The following OLA1 variants were observed in gnomAD, a reference collection of about 807,000 sequenced individuals.
OLA1 encodes the protein obg-like ATPase 1.
A neutral mutation model predicts 48.4 loss-of-function variants in OLA1; 14 were observed. The observed-to-expected ratio is 0.29, with a 90% CI of 0.19 to 0.45. The LOEUF (loss-of-function observed/expected upper bound fraction) is 0.45. Among genes scored for constraint, OLA1 ranks in the 20% least tolerant of loss-of-function variants. The pLI, the probability that OLA1 is intolerant of heterozygous loss-of-function variation, is 1.00. For synonymous variants in OLA1, 127 were observed against 150.4 expected, an observed-to-expected ratio of 0.84 and a Z score of 1.14; for missense variants, 325 against 467.1, an observed-to-expected ratio of 0.70 and a Z score of 2.80.
Position 174,141,985 on chromosome 2 carries a change from T to C in OLA1, c.389A>G (p.Asp130Gly). ...ACTTCCTTCAACGTGCGTGATATCA[T>C]CATCTTCAAAAGCACCTAAAATGAA... is the stretch of plus-strand genomic sequence containing the variant. ...IFHLTRAFEDDDITHVEGSVD... is the reference protein window; with the variant it reads ...IFHLTRAFEDGDITHVEGSVD... Residue 130 changes from aspartate to glycine, a missense_variant, in exon 5 of 11, where the codon GAT (aspartate) becomes GGT (glycine). Transcript: ENST00000284719. 1 of 1,613,346 alleles carries C rather than the reference T, an allele frequency of 6.2e-7. No individual in the cohort carries two copies. Among genetic ancestry groups the C allele is most frequent in the Non-Finnish European group, 8.5e-7 (1 of 1,179,724 alleles).
chr2:174,115,792 C>T (rs1685767654), intron 7 of OLA1, among the ~76,000 whole-genome samples: 1 of 152,208 alleles, frequency 6.6e-6, no homozygotes, highest in East Asian at 1.9e-4. Flanking sequence ...AGGTCTTCCC[C>T]AGCCGCCCTA....
chr2:174,226,468 T>G (rs889521054), intron 3 of OLA1, among the ~76,000 whole-genome samples: 2 of 152,098 alleles, frequency 1.3e-5, no homozygotes, highest in Non-Finnish European at 2.9e-5. Context: ...ACCAAAAACA[T>G]TTATTAATGT....
intron 4 of OLA1, among the ~76,000 whole-genome samples, chr2:174,159,336 A>G (rs1023036228): frequency 1.3e-5 from 2 of 152,198 alleles, no homozygotes; most frequent in African/African-American, 4.8e-5. Context: ...TGTAGGATAA[A>G]TAAGTGACTA....
intron 3 of OLA1, among the ~76,000 whole-genome samples, chr2:174,227,407 C>A (rs917644263): frequency 6.6e-6 from 1 of 152,016 alleles, no homozygotes; most frequent in African/African-American, 2.4e-5. Flanking sequence ...TAGTAAACTA[C>A]CCTGATTTTG....
intron 4 of OLA1, among the ~76,000 whole-genome samples, chr2:174,150,299 G>T (rs1392222639): frequency 6.6e-6 from 1 of 152,160 alleles, no homozygotes; most frequent in African/African-American, 2.4e-5. Flanking sequence ...ACCATATGAT[G>T]GCCTGTGCTG....
At chr2:174,135,225 G>T (rs570454901) in intron 5 of OLA1, among the ~76,000 whole-genome samples, 1 of 149,330 alleles carries the variant, frequency 6.7e-6, no homozygotes, top group Non-Finnish European at 1.5e-5. Flanking sequence ...TCTGGTAAAT[G>T]ACCTCATGTA....
chr2:174,146,140 T>C (rs1437380672), intron 4 of OLA1, among the ~76,000 whole-genome samples: 8 of 114,442 alleles, frequency 7.0e-5, no homozygotes, highest in Non-Finnish European at 1.2e-4. Context: ...AGGTGAACCA[T>C]GGCAGGGGAT....
intron 2 of OLA1, among the ~76,000 whole-genome samples, chr2:174,239,899 A>G (rs912897755): frequency 6.6e-6 from 1 of 151,992 alleles, no homozygotes; most frequent in Non-Finnish European, 1.5e-5. Flanking sequence ...ATCTCAAAAA[A>G]AAAACAAAAA....
intron 4 of OLA1, among the ~76,000 whole-genome samples, chr2:174,175,145 A>G (rs1254970586): frequency 6.6e-6 from 1 of 152,080 alleles, no homozygotes; most frequent in Non-Finnish European, 1.5e-5. Context: ...AGCTAAAGTT[A>G]TTTAAAATTA....
intron 1 of OLA1, chr2:174,247,591 A>C: frequency 6.5e-7 from 1 of 1,539,646 alleles, no homozygotes; most frequent in Non-Finnish European, 8.8e-7. Context: ...CCTTCACACC[A>C]AACCATTCCT....
At chr2:174,218,922 G>C (rs943681954) in intron 4 of OLA1, among the ~76,000 whole-genome samples, 4 of 151,822 alleles carry the variant, frequency 2.6e-5, no homozygotes, top group African/African-American at 9.7e-5. Context: ...TTGAGCTCAA[G>C]TGATTCTCCT....
intron 4 of OLA1, among the ~76,000 whole-genome samples, chr2:174,211,923 T>A (rs1278101967): frequency 1.3e-5 from 2 of 152,220 alleles, no homozygotes; most frequent in African/African-American, 4.8e-5. Context: ...AATGTGGCTA[T>A]CAGAAAAATT....
intron 4 of OLA1, among the ~76,000 whole-genome samples, chr2:174,216,581 C>T (rs1294503356): frequency 1.3e-5 from 2 of 152,132 alleles, no homozygotes; most frequent in Admixed American, 6.5e-5. Context: ...AAGACAGGGT[C>T]TCACTCTGTC....
chr2:174,168,042 T>C lies in OLA1; in HGVS notation c.374-26042A>G, dbSNP rs147852554. 3.6e-3 allele frequency among the ~76,000 whole-genome samples: 542 copies of C among 152,184 alleles called. 2 individuals carry two copies. The highest frequency in any genetic ancestry group is 0.012 in the African/African-American group (516 of 41,528). On this transcript the variant is annotated intron_variant, in intron 4 of 10. Coordinates refer to ENST00000284719, the MANE Select transcript of OLA1 (RefSeq NM_013341.5). ...ATCAGAAAGACTGCTTAGGAGTACA[T>C]GCTCAAAGAAGGGGAATTATATGAA...
chr2:174,163,647 G>A lies in OLA1; in HGVS notation c.374-21647C>T, dbSNP rs532221807. Among the ~76,000 whole-genome samples the A allele has an allele frequency of 2.1e-3, 303 of 147,460 alleles. 2 individuals carry two copies. The highest frequency in any genetic ancestry group is 7.1e-3 in the African/African-American group (283 of 39,934). On this transcript the variant is annotated intron_variant, in intron 4 of 10. Transcript: ENST00000284719. ...AGAGGTTGCAATGAGCTGAGATCGCGCCATTGCACTCCAGCCTGGGGGAGA... is the reference window on the plus strand; with the variant it reads ...AGAGGTTGCAATGAGCTGAGATCGCACCATTGCACTCCAGCCTGGGGGAGA...
chr2:174,236,236 A>C (rs964803349), intron 2 of OLA1, among the ~76,000 whole-genome samples: 1 of 152,048 alleles, frequency 6.6e-6, no homozygotes, highest in Admixed American at 6.6e-5. Context: ...TGAGAGATGA[A>C]GTAGCATAAA....
Position 174,110,302 on chromosome 2 carries a change from A to ATTTT in OLA1, c.728+12874_728+12877dup, listed in dbSNP as rs575026912. Among the ~76,000 whole-genome samples, 183 of 113,846 alleles carry ATTTT rather than the reference A, an allele frequency of 1.6e-3. 2 individuals are homozygous for ATTTT. In the South Asian group the frequency reaches 0.021, roughly 13 times the overall value. 74.7% of individuals were successfully genotyped at this position (113,846 alleles called of 152,430 possible). On this transcript the variant is annotated intron_variant, in intron 7 of 10. Coordinates refer to ENST00000284719, the MANE Select transcript of OLA1 (RefSeq NM_013341.5). ...TACAGGCATGTGCCACCATGCTTGG[A>ATTTT]TTTTTTTTTTTTTTTTTTTTTGTAT...
chr2:174,158,998 C>T (rs1190018483), intron 4 of OLA1, among the ~76,000 whole-genome samples: 1 of 152,158 alleles, frequency 6.6e-6, no homozygotes, highest in Non-Finnish European at 1.5e-5. Context: ...ATGTATTCAT[C>T]TGAACAGAAC....
chr2:174,084,378 CT>C (rs1187133694), intron 7 of OLA1, among the ~76,000 whole-genome samples: 12 of 152,182 alleles, frequency 7.9e-5, no homozygotes, highest in Non-Finnish European at 2.9e-5. Flanking sequence ...ACTTTTGTGA[CT>C]TTCACTGTCA....
Sources: allele counts gnomAD v4.1 joint callset (sites outside exome capture counted in the v4.1 genomes callset), GRCh38; gene constraint gnomAD v4.1.1; transcripts MANE v1.5; gene names NCBI Gene and HGNC (gene_info 2026-07-23, HGNC 2026-07-21).